The following SPOCK1 variants were observed in gnomAD, a reference collection of about 807,000 sequenced individuals.
SPOCK1 encodes the protein SPARC (osteonectin), cwcv and kazal like domains proteoglycan 1.
Under a neutral mutation model 55.3 loss-of-function variants are expected in SPOCK1, and 23 were observed. That is an observed-to-expected ratio of 0.42 (90% CI 0.30 to 0.59). The LOEUF (loss-of-function observed/expected upper bound fraction) is 0.59, where lower values mean the gene tolerates loss of function less well. Among genes scored for constraint, SPOCK1 ranks in the 20% least tolerant of loss-of-function variants. SPOCK1 has a pLI of 0.22. For synonymous variants in SPOCK1, 226 were observed against 221.0 expected (o/e 1.02, Z -0.20); for missense variants, 499 against 552.5 (o/e 0.90, Z 0.97).
intron 2 of SPOCK1, among the ~76,000 whole-genome samples, chr5:137,386,851 T>G (rs184571438): frequency 2.3e-4 from 35 of 152,046 alleles, no homozygotes; most frequent in African/African-American, 8.0e-4. Context: ...CAAAAGACAA[T>G]GTCAAGAAAA....
chr5:137,451,905 G>A (rs1753262077), intron 2 of SPOCK1, among the ~76,000 whole-genome samples: 1 of 152,200 alleles, frequency 6.6e-6, no homozygotes, highest in South Asian at 2.1e-4. Context: ...GACCCTAAAG[G>A]TTGAGTTTCC....
intron 3 of SPOCK1, among the ~76,000 whole-genome samples, chr5:137,213,434 C>A (rs575445592): frequency 6.6e-6 from 1 of 152,314 alleles, no homozygotes; most frequent in South Asian, 2.1e-4. Context: ...CTGTGCAGAG[C>A]AATTATATTC....
chr5:137,266,326 A>T (rs1211540850), intron 3 of SPOCK1, among the ~76,000 whole-genome samples: 1 of 152,208 alleles, frequency 6.6e-6, no homozygotes, highest in Non-Finnish European at 1.5e-5. Context: ...CATTTTCAAC[A>T]GCACCACACA....
At chr5:137,384,088 A>G (rs1300756110) in intron 2 of SPOCK1, among the ~76,000 whole-genome samples, 4 of 152,158 alleles carry the variant, frequency 2.6e-5, no homozygotes, top group African/African-American at 9.7e-5. Flanking sequence ...GCTGGCATAA[A>G]CCACATGGGC....
chr5:137,003,889 C>T (rs182430050), intron 6 of SPOCK1, among the ~76,000 whole-genome samples: 6 of 152,244 alleles, frequency 3.9e-5, no homozygotes, highest in African/African-American at 1.4e-4. Flanking sequence ...CTGGGAATGG[C>T]TCTTTTATTT....
At chr5:137,139,569 G>A (rs966025021) in intron 4 of SPOCK1, among the ~76,000 whole-genome samples, 4 of 112,590 alleles carry the variant, frequency 3.6e-5, no homozygotes, top group East Asian at 2.6e-4. Flanking sequence ...GTGGGGAGCC[G>A]ATTTAAGTGG....
intron 4 of SPOCK1, among the ~76,000 whole-genome samples, chr5:137,119,421 G>C (rs1282641417): frequency 1.3e-5 from 2 of 152,202 alleles, no homozygotes; most frequent in Non-Finnish European, 1.5e-5. Context: ...TCTGTTGTTA[G>C]GGTTATTTGA....
intron 2 of SPOCK1, among the ~76,000 whole-genome samples, chr5:137,333,858 T>C (rs1018418788): frequency 2.6e-5 from 4 of 152,156 alleles, no homozygotes; most frequent in Non-Finnish European, 5.9e-5. Flanking sequence ...GATGTGTCTG[T>C]TTGTTGGGAG....
rs1444257187 is a variant in SPOCK1, at chr5:137,319,104, G to A, written c.187-52049C>T. On this transcript the variant is annotated intron_variant, in intron 2 of 10. Transcript: ENST00000394945. ...CCAATCTCTGCCCTCAGAGAAAAGAGGAGGCACACACAAATTCCAAGACTA... is the reference window on the plus strand; with the variant it reads ...CCAATCTCTGCCCTCAGAGAAAAGAAGAGGCACACACAAATTCCAAGACTA... Among the ~76,000 whole-genome samples, 13 of 152,298 alleles carry A rather than the reference G, an allele frequency of 8.5e-5. No individual in the cohort carries two copies. In the East Asian group the frequency reaches 2.3e-3, roughly 27 times the overall value.
chr5:137,367,357 C>T (rs546519508), intron 2 of SPOCK1, among the ~76,000 whole-genome samples: 1 of 152,340 alleles, frequency 6.6e-6, no homozygotes, highest in South Asian at 2.1e-4. Context: ...AGAAGCAGCG[C>T]TGTTGAGCAC....
intron 9 of SPOCK1, among the ~76,000 whole-genome samples, chr5:136,982,311 C>T (rs1181655722): frequency 6.6e-6 from 1 of 152,194 alleles, no homozygotes; most frequent in African/African-American, 2.4e-5. Flanking sequence ...TATTTACCCT[C>T]ATTTAATTTC....
At position 137,123,609 on chromosome 5, in the gene SPOCK1, G is replaced by A. The variant is rs12109767; in HGVS notation, c.348-11048C>T. On this transcript the variant is annotated intron_variant, in intron 4 of 10. Coordinates refer to ENST00000394945, the MANE Select transcript of SPOCK1 (RefSeq NM_004598.4). ...AGACAGAACCTATTCTACCTAGACCGTGTTGAAGTTATCAAGAAAAAGCCT... is the reference window on the plus strand; with the variant it reads ...AGACAGAACCTATTCTACCTAGACCATGTTGAAGTTATCAAGAAAAAGCCT... 4.9e-3 allele frequency among the ~76,000 whole-genome samples: 750 copies of A among 152,226 alleles called. 4 individuals carry two copies. Among genetic ancestry groups the A allele is most frequent in the African/African-American group, 0.013 (525 of 41,522 alleles).
intron 3 of SPOCK1, among the ~76,000 whole-genome samples, chr5:137,182,320 T>A (rs1161709308): frequency 2.0e-5 from 3 of 152,164 alleles, no homozygotes; most frequent in African/African-American, 7.2e-5. Flanking sequence ...TGCAGTGCCC[T>A]CCATCTGAAA....
chr5:136,988,867 G>A, intron 7 of SPOCK1: 1 of 439,242 alleles, frequency 2.3e-6, no homozygotes. Flanking sequence ...AGGAAAATAT[G>A]TTCTAAAGGG....
At position 137,039,141 on chromosome 5, in the gene SPOCK1, T is replaced by C. The variant is rs150373745; in HGVS notation, c.589+28574A>G. Among the ~76,000 whole-genome samples, 393 of 152,282 alleles carry C rather than the reference T, an allele frequency of 2.6e-3. 6 individuals are homozygous for C. The highest frequency in any genetic ancestry group is 8.1e-3 in the African/African-American group (337 of 41,554). On this transcript the variant is annotated intron_variant, in intron 6 of 10. Transcript: ENST00000394945. ...CTCAAAACAACTCCACGAGGAGGTA[T>C]TGTTATTCTTATTTCCATTCTTCCA...
chr5:137,017,970 TC>T (rs1751484201), intron 6 of SPOCK1, among the ~76,000 whole-genome samples: 1 of 152,142 alleles, frequency 6.6e-6, no homozygotes, highest in Admixed American at 6.6e-5. Flanking sequence ...AATCTAAAAG[TC>T]CCCAAAGCTT....
rs368347910 is a variant in SPOCK1, at chr5:137,213,560, C to T, written c.232+53450G>A. ...AAGTGGGTGACAAGGCCAGGGTCTACCTCTAACCACCACGCTCGCAAGAGC... is the reference window on the plus strand; with the variant it reads ...AAGTGGGTGACAAGGCCAGGGTCTATCTCTAACCACCACGCTCGCAAGAGC... On this transcript the variant is annotated intron_variant, in intron 3 of 10. Coordinates refer to ENST00000394945, the MANE Select transcript of SPOCK1 (RefSeq NM_004598.4). 2.8e-4 allele frequency among the ~76,000 whole-genome samples: 43 copies of T among 152,258 alleles called. 1 individual carries two copies. In the South Asian group the frequency reaches 8.9e-3, roughly 32 times the overall value.
At chr5:136,988,381 C>T in intron 8 of SPOCK1, 41 bp downstream of exon 8, 1 of 1,562,636 alleles carries the variant, frequency 6.4e-7, no homozygotes, top group Admixed American at 1.7e-5. Context: ...TCCAGCAAGG[C>T]TGCCCTGGGC....
intron 6 of SPOCK1, among the ~76,000 whole-genome samples, chr5:137,013,862 T>C (rs527342439): frequency 6.6e-6 from 1 of 152,076 alleles, no homozygotes; most frequent in Non-Finnish European, 1.5e-5. Flanking sequence ...GGAGTTACAG[T>C]TTTTTTTAAG....
Sources: gnomAD v4.1 joint callset for allele counts (sites outside exome capture counted in the v4.1 genomes callset) on GRCh38, gnomAD v4.1.1 for gene constraint, MANE v1.5 for transcripts, NCBI Gene and HGNC (gene_info 2026-07-23, HGNC 2026-07-21) for gene names.